The following ADRA2B variants were observed in gnomAD, a reference collection of about 807,000 sequenced individuals.
The protein encoded by ADRA2B is adrenoceptor alpha 2B.
In ADRA2B, 14 loss-of-function variants were observed where a neutral mutation model predicts 14.4. The ratio of observed to expected loss-of-function variants is 0.97; its 90% CI spans 0.64 to 1.52. ADRA2B has a LOEUF of 1.52. Among genes scored for constraint, ADRA2B ranks in the 40% most tolerant of loss-of-function variants. The probability of loss-of-function intolerance (pLI) is 0.00; values close to 1 mark genes in which losing one functional copy is unlikely to be tolerated. For missense variants in ADRA2B, 606 were observed against 603.2 expected (o/e 1.00, Z -0.05); for synonymous variants, 250 against 263.7 (o/e 0.95, Z 0.50).
Position 96,114,765 on chromosome 2 carries a change from G to A in ADRA2B, c.*32C>T, listed in dbSNP as rs75133239. On this transcript the variant is annotated 3_prime_UTR_variant, in exon 1 of 1. Coordinates refer to ENST00000620793, the MANE Select transcript of ADRA2B (RefSeq NM_000682.7). The stretch of plus-strand genomic sequence containing the variant: ...GAAGCAGGGTGACCCCGGCGCCACC[G>A]CACCAACCCCACAGGGGCAGCGCAG... The A allele has an allele frequency of 1.7e-4, 264 of 1,591,670 alleles. No homozygotes were observed. In the African/African-American group the frequency reaches 2.9e-3, roughly 18 times the overall value.
In ADRA2B at chr2:96,115,302, C is replaced by T; in HGVS notation, c.848G>A (p.Gly283Asp). Reference protein sequence around the residue: ...SWAALPNSGQGQKEGVCGASP... With the variant: ...SWAALPNSGQDQKEGVCGASP... ...TGCCCCACAAACACCCTCCTTCTGG[C>T]CCTGGCCTGAGTTGGGAAGGGCAGC... The change falls in exon 1 of 1, where the codon GGC (glycine) becomes GAC (aspartate). Residue 283 changes from glycine to aspartate, a missense_variant. Gly to Asp is a moderately conservative substitution (Grantham distance 94). Coordinates refer to ENST00000620793, the MANE Select transcript of ADRA2B (RefSeq NM_000682.7). 1 of 1,588,364 alleles carries T rather than the reference C, an allele frequency of 6.3e-7. No individual in the cohort carries two copies. The highest frequency in any genetic ancestry group is 2.3e-5 in the East Asian group (1 of 44,082).
chr2:96,114,474 G>A lies in ADRA2B; in HGVS notation c.*323C>T. ...AGGGAAGCCCAGACATTGGTCTGGAGAGCATGGGGCTCTGGGAAGAAAGTG... is the reference window on the plus strand; with the variant it reads ...AGGGAAGCCCAGACATTGGTCTGGAAAGCATGGGGCTCTGGGAAGAAAGTG... On this transcript the variant is annotated 3_prime_UTR_variant, in exon 1 of 1. Coordinates refer to ENST00000620793, the MANE Select transcript of ADRA2B (RefSeq NM_000682.7). 10 of 1,138,930 alleles carry A rather than the reference G, an allele frequency of 8.8e-6. No individual in the cohort carries two copies. Among genetic ancestry groups the A allele is most frequent in the Non-Finnish European group, 1.1e-5 (10 of 924,758 alleles). 70.6% of individuals were successfully genotyped at this position (1,138,930 alleles called of 1,614,324 possible).
In ADRA2B at chr2:96,115,766, G is replaced by A; in HGVS notation, c.384C>T (p.Arg128=). Residue 128 remains arginine (R), a synonymous_variant, in exon 1 of 1, where the codon CGC becomes CGT. Coordinates refer to ENST00000620793, the MANE Select transcript of ADRA2B (RefSeq NM_000682.7). ...LEYNSKRTPR[R]IKCIILTVWL... is the part of the protein sequence containing the mutation. ...ACACAGTGAGGATGATGCACTTGATGCGGCGCGGGGTGCGCTTGGAGTTGT... is the reference window on the plus strand; with the variant it reads ...ACACAGTGAGGATGATGCACTTGATACGGCGCGGGGTGCGCTTGGAGTTGT... 6.2e-7 allele frequency: 1 copy of A among 1,612,952 alleles called. No homozygotes were observed. Among genetic ancestry groups the A allele is most frequent in the Non-Finnish European group, 8.5e-7 (1 of 1,179,410 alleles).
rs761650263 is a variant in ADRA2B, at chr2:96,115,514, C to A, written c.636G>T (p.Gly212=). 1 of 1,613,626 alleles carries A rather than the reference C, an allele frequency of 6.2e-7. No individual in the cohort carries two copies. The highest frequency in any genetic ancestry group is 1.6e-4 in the Middle Eastern group (1 of 6,062). Reference sequence around the variant, plus strand: ...GCTGCTTGGACTCACCCTGCCCAGGCCCCCCCTTGGCCCTGGGACCTCTGC... The same window carrying A: ...GCTGCTTGGACTCACCCTGCCCAGGACCCCCCTTGGCCCTGGGACCTCTGC... ...SNRRGPRAKG[G]PGQGESKQPR... is the part of the protein sequence containing the mutation. The change falls in exon 1 of 1, where the codon GGG becomes GGT. Residue 212 remains glycine, a synonymous_variant. Coordinates refer to ENST00000620793, the MANE Select transcript of ADRA2B (RefSeq NM_000682.7).
rs9333567 is a variant in ADRA2B at position 96,116,114 on chromosome 2, T to C, written c.36A>G (p.Thr12=). ...DHQDPYSVQA[T]AAIAAAITFL... ...AGGTGATGGCCGCCGCTATGGCCGC[T>C]GTGGCCTGCACGGAGTAGGGGTCCT... The change falls in exon 1 of 1, where the codon ACA becomes ACG. Residue 12 remains threonine, a synonymous_variant. Transcript: ENST00000620793. The C allele has an allele frequency of 0.049, 78,824 of 1,611,556 alleles. 3,024 individuals carry two copies. The highest frequency in any genetic ancestry group is 0.17 in the East Asian group (7,793 of 44,810).
chr2:96,115,006 G>A lies in ADRA2B; in HGVS notation c.1144C>T (p.Leu382Phe), dbSNP rs752113552. ...VLAVVIGVFV[L>F]CWFPFFFSYS... ...CTGAAGAAGAAGGGGAACCAGCAGAGCACAAAAACGCCAATGACCACAGCC... is the reference window on the plus strand; with the variant it reads ...CTGAAGAAGAAGGGGAACCAGCAGAACACAAAAACGCCAATGACCACAGCC... Residue 382 changes from leucine (L) to phenylalanine (F), a missense_variant, in exon 1 of 1, where the codon CTC becomes TTC. Coordinates refer to ENST00000620793, the MANE Select transcript of ADRA2B (RefSeq NM_000682.7). 6.2e-7 allele frequency: 1 copy of A among 1,613,726 alleles called. No homozygotes were observed. The highest frequency in any genetic ancestry group is 1.1e-5 in the South Asian group (1 of 91,054).
In ADRA2B at chr2:96,115,115, C is replaced by G. The variant is rs777181734; in HGVS notation, c.1035G>C (p.Leu345=). ...VLATLRGQVL[L]GRGVGAIGGQ... is the part of the protein sequence containing the mutation. ...CACCTATAGCACCCACGCCCCTGCC[C>G]AGGAGCACCTGGCCACGTAGGGTGG... The change falls in exon 1 of 1, where the codon CTG becomes CTC. Residue 345 remains leucine, a synonymous_variant. Coordinates refer to ENST00000620793, the MANE Select transcript of ADRA2B (RefSeq NM_000682.7). 473 of 1,610,596 alleles carry G rather than the reference C, an allele frequency of 2.9e-4. No individual in the cohort carries two copies. Among genetic ancestry groups the G allele is most frequent in the Non-Finnish European group, 3.9e-4 (454 of 1,178,528 alleles).
In ADRA2B at chr2:96,114,095, A is replaced by T; in HGVS notation, c.*702T>A. 1.0e-6 allele frequency: 1 copy of T among 985,764 alleles called. No homozygotes were observed. The highest frequency in any genetic ancestry group is 1.2e-6 in the Non-Finnish European group (1 of 829,946). 61.1% of individuals were successfully genotyped at this position (985,764 alleles called of 1,614,324 possible). A position where few individuals can be genotyped will look rare whatever the true frequency, so the allele number is the denominator to read the frequency against. ...CCGTCGAGGCAGAGACCAGGCCTCC[A>T]AGACCGCCCCAGCGAGGCATCCACG... On this transcript the variant is annotated 3_prime_UTR_variant, in exon 1 of 1. Coordinates refer to ENST00000620793, the MANE Select transcript of ADRA2B (RefSeq NM_000682.7).
chr2:96,114,754 C>G lies in ADRA2B; in HGVS notation c.*43G>C, dbSNP rs556484226. 1 of 1,567,074 alleles carries G rather than the reference C, an allele frequency of 6.4e-7. No homozygotes were observed. The highest frequency in any genetic ancestry group is 2.3e-5 in the East Asian group (1 of 43,746). The stretch of plus-strand genomic sequence containing the variant: ...CAGCAGGGCAAGAAGCAGGGTGACC[C>G]CGGCGCCACCGCACCAACCCCACAG... On this transcript the variant is annotated 3_prime_UTR_variant, in exon 1 of 1. Coordinates refer to ENST00000620793, the MANE Select transcript of ADRA2B (RefSeq NM_000682.7).
At position 96,115,079 on chromosome 2, in the gene ADRA2B, C is replaced by A. The variant is rs778996807; in HGVS notation, c.1071G>T (p.Trp357Cys). ...RGVGAIGGQW[W>C]RRRAQLTREK... The stretch of plus-strand genomic sequence containing the variant: ...CCCGGGTCAGCTGCGCCCGTCGACG[C>A]CACCACTGCCCACCTATAGCACCCA... Residue 357 changes from tryptophan (W) to cysteine (C), a missense_variant, in exon 1 of 1, where the codon TGG becomes TGT. By Grantham distance (215) the Trp-to-Cys change is radical. Coordinates refer to ENST00000620793, the MANE Select transcript of ADRA2B (RefSeq NM_000682.7). 32 of 1,612,720 alleles carry A rather than the reference C, an allele frequency of 2.0e-5. No homozygotes were observed. The Middle Eastern group carries it at 4.9e-4, about 25-fold the overall frequency.
rs1573902193 is a variant in ADRA2B, at chr2:96,113,751, T to G, written c.*1046A>C. 3.0e-6 allele frequency: 1 copy of G among 334,502 alleles called. No individual in the cohort carries two copies. The highest frequency in any genetic ancestry group is 2.2e-5 in the African/African-American group (1 of 44,840). 20.7% of individuals were successfully genotyped at this position (334,502 alleles called of 1,614,324 possible). ...CATGTAGCGTAATAACTCAGACCTT[T>G]GCAGCCAGAAGAACACATTCTCAAA... On this transcript the variant is annotated 3_prime_UTR_variant, in exon 1 of 1. Coordinates refer to ENST00000620793, the MANE Select transcript of ADRA2B (RefSeq NM_000682.7).
rs556445952 is a variant in ADRA2B, at chr2:96,115,443, G to A, written c.707C>T (p.Ala236Val). The change falls in exon 1 of 1, where the codon GCC (alanine) becomes GTC (valine). Residue 236 changes from alanine to valine, a missense_variant. Physicochemically the swap from Ala to Val is moderately conservative, Grantham distance 64. Transcript: ENST00000620793. ...TCTGGCAGAAGCCACAGAGGCCAGG[G>A]CTGGCAGTTTGGCTGAGGCCAAAGC... ...GGALASAKLP[A>V]LASVASAREV... The A allele has an allele frequency of 6.2e-7, 1 of 1,612,898 alleles. No individual in the cohort carries two copies. The highest frequency in any genetic ancestry group is 2.2e-5 in the East Asian group (1 of 44,866).
rs957067948 is a variant in ADRA2B, at chr2:96,113,973, C to A, written c.*824G>T. On this transcript the variant is annotated 3_prime_UTR_variant, in exon 1 of 1. Coordinates refer to ENST00000620793, the MANE Select transcript of ADRA2B (RefSeq NM_000682.7). ...GTGTGTTCCCCCACAGAGCTCAAAGCTTTCTGCAAAGCCTTTCATCTCCCT... is the reference window on the plus strand; with the variant it reads ...GTGTGTTCCCCCACAGAGCTCAAAGATTTCTGCAAAGCCTTTCATCTCCCT... 7 of 985,892 alleles carry A rather than the reference C, an allele frequency of 7.1e-6. No homozygotes were observed. The highest frequency in any genetic ancestry group is 8.4e-6 in the Non-Finnish European group (7 of 829,938). The allele number at this position is 985,892 out of a possible 1,614,324, so 61.1% of individuals were successfully genotyped here. A position where few individuals can be genotyped will look rare whatever the true frequency, so the allele number is the denominator to read the frequency against.
Position 96,115,834 on chromosome 2 carries a change from T to C in ADRA2B, c.316A>G (p.Ile106Val), listed in dbSNP as rs1465987990. Residue 106 changes from isoleucine to valine, a missense_variant, in exon 1 of 1, where the codon ATC (isoleucine) becomes GTC (valine). Coordinates refer to ENST00000620793, the MANE Select transcript of ADRA2B (RefSeq NM_000682.7). ...ACGGCCCAGTAGCGGTCCAGGCTGA[T>C]GGCGCACAGGTGCACGATGGACGAG... ...CTSSIVHLCA[I>V]SLDRYWAVSR... 1 of 1,613,482 alleles carries C rather than the reference T, an allele frequency of 6.2e-7. No homozygotes were observed. Among genetic ancestry groups the C allele is most frequent in the East Asian group, 2.2e-5 (1 of 44,856 alleles).
chr2:96,114,258 C>T lies in ADRA2B; in HGVS notation c.*539G>A. On this transcript the variant is annotated 3_prime_UTR_variant, in exon 1 of 1. Transcript: ENST00000620793. ...CGATGCCACCCCATAAGCCCCCATC[C>T]CAGCGCCTGCCAGGGACCGCGAGTG... 5.1e-6 allele frequency: 5 copies of T among 988,620 alleles called. No individual in the cohort carries two copies. Among genetic ancestry groups the T allele is most frequent in the Non-Finnish European group, 6.0e-6 (5 of 831,820 alleles). 61.2% of individuals were successfully genotyped at this position (988,620 alleles called of 1,614,324 possible).
Position 96,115,756 on chromosome 2 carries a change from T to G in ADRA2B, c.394A>C (p.Ile132Leu). 6.2e-7 allele frequency: 1 copy of G among 1,612,994 alleles called. No individual in the cohort carries two copies. The highest frequency in any genetic ancestry group is 8.5e-7 in the Non-Finnish European group (1 of 1,179,444). The change falls in exon 1 of 1, where the codon ATC (isoleucine) becomes CTC (leucine). Residue 132 changes from isoleucine to leucine, a missense_variant. Coordinates refer to ENST00000620793, the MANE Select transcript of ADRA2B (RefSeq NM_000682.7). ...GCGATGAGCCACACAGTGAGGATGATGCACTTGATGCGGCGCGGGGTGCGC... is the reference window on the plus strand; with the variant it reads ...GCGATGAGCCACACAGTGAGGATGAGGCACTTGATGCGGCGCGGGGTGCGC... ...SKRTPRRIKC[I>L]ILTVWLIAAV...
At position 96,115,526 on chromosome 2, in the gene ADRA2B, C is replaced by T. The variant is rs866915856; in HGVS notation, c.624G>A (p.Arg208=). ...CACCCTGCCCAGGCCCCCCCTTGGC[C>T]CTGGGACCTCTGCGGTTGCTGCGTT... ...IAKRSNRRGP[R]AKGGPGQGES... The change falls in exon 1 of 1, where the codon AGG becomes AGA. Residue 208 remains arginine (R), a synonymous_variant. Coordinates refer to ENST00000620793, the MANE Select transcript of ADRA2B (RefSeq NM_000682.7). The T allele has an allele frequency of 3.1e-6, 5 of 1,613,810 alleles. No homozygotes were observed. Among genetic ancestry groups the T allele is most frequent in the Non-Finnish European group, 4.2e-6 (5 of 1,179,882 alleles).
Position 96,115,357 on chromosome 2 carries a change from T to C in ADRA2B, c.793A>G (p.Thr265Ala). Reference protein sequence around the residue: ...EKEEGETPEDTGTRALPPSWA... With the variant: ...EKEEGETPEDAGTRALPPSWA... ...CTGGGTGGCAAGGCCCGGGTCCCAG[T>C]ATCTTCAGGGGTCTCCCCCTCCTCC... The change falls in exon 1 of 1, where the codon ACT (threonine) becomes GCT (alanine). Residue 265 changes from threonine (T) to alanine (A), a missense_variant. Transcript: ENST00000620793. 1 of 1,605,040 alleles carries C rather than the reference T, an allele frequency of 6.2e-7. No individual in the cohort carries two copies. The highest frequency in any genetic ancestry group is 8.5e-7 in the Non-Finnish European group (1 of 1,174,482).
In ADRA2B at chr2:96,116,222, C is replaced by A. The variant is rs1437228097; in HGVS notation, c.-73G>T. 1.3e-5 allele frequency: 18 copies of A among 1,389,448 alleles called. No homozygotes were observed. The East Asian group carries it at 4.2e-4, about 32-fold the overall frequency. 86.1% of individuals were successfully genotyped at this position (1,389,448 alleles called of 1,614,324 possible). A position where few individuals can be genotyped will look rare whatever the true frequency, so the allele number is the denominator to read the frequency against. ...CCGTGGACGACAGCGCTGCCCGGCTCGGCTAGACAAGAGCGTCGCCCCTCG... is the reference window on the plus strand; with the variant it reads ...CCGTGGACGACAGCGCTGCCCGGCTAGGCTAGACAAGAGCGTCGCCCCTCG... On this transcript the variant is annotated 5_prime_UTR_variant, in exon 1 of 1. Transcript: ENST00000620793.
Sources: gnomAD v4.1 joint callset for allele counts on GRCh38, gnomAD v4.1.1 for gene constraint, MANE v1.5 for transcripts, NCBI Gene and HGNC (gene_info 2026-07-23, HGNC 2026-07-21) for gene names.